Variants in KIFC2 observed in about 807,000 individuals in gnomAD.
KIFC2 encodes kinesin family member C2.
Under a neutral mutation model 91.5 loss-of-function variants are expected in KIFC2, and 94 were observed. That is an observed-to-expected ratio of 1.03 (90% confidence interval 0.87 to 1.22). KIFC2 has a LOEUF of 1.22. Among genes scored for constraint, KIFC2 ranks in the 50% most tolerant of loss-of-function variants. The pLI, the probability that KIFC2 is intolerant of heterozygous loss-of-function variation, is 0.00. For synonymous variants in KIFC2, 729 were observed against 503.9 expected (o/e 1.45, Z -5.98); for missense variants, 1,357 against 1,103.3 (o/e 1.23, Z -3.26).
intron 3 of KIFC2, 44 bp downstream of exon 3, chr8:144,467,154 G>C (rs764634020): frequency 6.2e-7 from 1 of 1,612,518 alleles, no homozygotes; most frequent in South Asian, 1.1e-5. Flanking sequence ...CACCTGCCCC[G>C]GCCTTCCTGG....
Position 144,469,255 on chromosome 8 carries a change from A to C in KIFC2, c.1114-16A>C. The C allele has an allele frequency of 1.3e-6, 2 of 1,573,014 alleles. No homozygotes were observed. The highest frequency in any genetic ancestry group is 1.7e-6 in the Non-Finnish European group (2 of 1,160,004). The stretch of plus-strand genomic sequence containing the variant: ...TTGGCTGACCCCTTGCCTTCTGTAC[A>C]TCCCTGTTCCCTCAGGTGTCCTGGG... On this transcript the variant is annotated splice_polypyrimidine_tract_variant and intron_variant, in intron 10 of 17. Transcript: ENST00000645548.
Position 144,469,798 on chromosome 8 carries a change from G to T in KIFC2, c.1380+151G>T, listed in dbSNP as rs1054754387. On this transcript the variant is annotated intron_variant, in intron 12 of 17. Transcript: ENST00000645548. ...CCAGGAAGGAAAGGGAACCGAGGGG[G>T]CTGGGAAGCAGGGCAGGCAGCCCAG... The T allele has an allele frequency of 2.4e-5, 25 of 1,021,894 alleles. No homozygotes were observed. The Admixed American group carries it at 7.4e-4, about 30-fold the overall frequency. The allele number at this position is 1,021,894 out of a possible 1,614,324, so 63.3% of individuals were successfully genotyped here.
intron 10 of KIFC2, 89 bp downstream of exon 10, chr8:144,468,923 CTAA>C: frequency 9.1e-7 from 1 of 1,095,600 alleles, no homozygotes; most frequent in Non-Finnish European, 1.4e-6. Context: ...GTTGGCTGTA[CTAA>C]TAAGTGGGGC....
At chr8:144,467,448 G>A (rs371452547) in intron 4 of KIFC2, 37 bp from the exon 5 acceptor site, 5 of 1,541,386 alleles carry the variant, frequency 3.2e-6, no homozygotes, top group Non-Finnish European at 4.4e-6. Flanking sequence ...TTGGACTAGA[G>A]ACCTCTTCAG....
upstream of KIFC2, chr8:144,466,237 G>A (rs1000393001): frequency 1.1e-4 from 21 of 193,600 alleles, no homozygotes; most frequent in Non-Finnish European, 2.0e-4. Flanking sequence ...GGGTCTCCAG[G>A]TGCGGCCGCG....
chr8:144,467,506 G>A lies in KIFC2; in HGVS notation c.491G>A (p.Ser164Asn), dbSNP rs558766474. ...CCAGGATCCACATCCCAAGAAGAAA[G>A]CCCTTCCCACTTCACCGCAGTCCCA... ...SPDGSTSQEE[S>N]PSHFTAVPGE... The change falls in exon 5 of 18, where the codon AGC becomes AAC. Residue 164 changes from serine (S) to asparagine (N), a missense_variant. Physicochemically the swap from Ser to Asn is conservative, Grantham distance 46. Transcript: ENST00000645548. The A allele has an allele frequency of 6.3e-6, 10 of 1,583,008 alleles. No individual in the cohort carries two copies. The highest frequency in any genetic ancestry group is 1.8e-5 in the Admixed American group (1 of 54,142).
chr8:144,470,984 G>T (rs1397733389), intron 12 of KIFC2, among the ~76,000 whole-genome samples: 1 of 151,196 alleles, frequency 6.6e-6, no homozygotes, highest in Non-Finnish European at 1.5e-5. Context: ...TTATTTTTGA[G>T]ATGGAATCCC....
At chr8:144,471,805 C>T (rs1277615434) in intron 12 of KIFC2, 137 bp from the exon 13 acceptor site, 12 of 719,858 alleles carry the variant, frequency 1.7e-5, no homozygotes, top group African/African-American at 3.5e-5. Flanking sequence ...CACCCTCCCC[C>T]ATGGTCCCTT....
rs1824642773 is a variant in KIFC2, at chr8:144,466,504, G to A, written c.85G>A (p.Gly29Arg). Residue 29 changes from glycine (G) to arginine (R), a missense_variant, in exon 1 of 18, where the codon GGG becomes AGG. Physicochemically the swap from Gly to Arg is moderately radical, Grantham distance 125. Coordinates refer to ENST00000645548, the MANE Select transcript of KIFC2 (RefSeq NM_001369769.2). Reference sequence around the variant, plus strand: ...TGGCGCCGCGGCGGCCGCGGAGCCCGGGGACCCCGCCCAGGTGAGCGGGGC... The same window carrying A: ...TGGCGCCGCGGCGGCCGCGGAGCCCAGGGACCCCGCCCAGGTGAGCGGGGC... ...DGGAAAAAEP[G>R]DPAQRARKPR... is the part of the protein sequence containing the mutation. 1.5e-6 allele frequency: 2 copies of A among 1,298,612 alleles called. No individual in the cohort carries two copies. The highest frequency in any genetic ancestry group is 3.1e-5 in the African/African-American group (2 of 63,844). The allele number at this position is 1,298,612 out of a possible 1,614,324, so 80.4% of individuals were successfully genotyped here. A position where few individuals can be genotyped will look rare whatever the true frequency, so the allele number is the denominator to read the frequency against.
chr8:144,470,832 A>G (rs1232800755), intron 12 of KIFC2, among the ~76,000 whole-genome samples: 1 of 152,236 alleles, frequency 6.6e-6, no homozygotes, highest in South Asian at 2.1e-4. Flanking sequence ...GTGCACTGCC[A>G]CAAGTGTTCA....
chr8:144,472,376 A>G lies in KIFC2; in HGVS notation c.1623A>G (p.Pro541=). 2 of 1,613,324 alleles carry G rather than the reference A, an allele frequency of 1.2e-6. No homozygotes were observed. Among genetic ancestry groups the G allele is most frequent in the Non-Finnish European group, 1.7e-6 (2 of 1,179,934 alleles). The change falls in exon 15 of 18, where the codon CCA becomes CCG. Residue 541 remains proline (P), a synonymous_variant. Coordinates refer to ENST00000645548, the MANE Select transcript of KIFC2 (RefSeq NM_001369769.2). The stretch of plus-strand genomic sequence containing the variant: ...TTCTCACCAGGGACCTCCTTGCTCC[A>G]GGGCCTCCCGAGCGCCTGGCCGTGA... ...YNEAVRDLLA[P]GPPERLAVRQ... is the part of the protein sequence containing the mutation.
chr8:144,467,524 C>T lies in KIFC2; in HGVS notation c.509C>T (p.Ala170Val). The change falls in exon 5 of 18, where the codon GCA (alanine) becomes GTA (valine). Residue 170 changes from alanine to valine, a missense_variant. By Grantham distance (64) the Ala-to-Val change is moderately conservative (BLOSUM62 0). Transcript: ENST00000645548. ...GAAGAAAGCCCTTCCCACTTCACCG[C>T]AGTCCCAGGCGAGCCACTGGGGGAT... ...SQEESPSHFT[A>V]VPGEPLGDET... 4 of 1,596,992 alleles carry T rather than the reference C, an allele frequency of 2.5e-6. No individual in the cohort carries two copies. The highest frequency in any genetic ancestry group is 1.1e-5 in the South Asian group (1 of 88,484).
At position 144,472,384 on chromosome 8, in the gene KIFC2, C is replaced by A; in HGVS notation, c.1631C>A (p.Pro544His). 1 of 1,613,316 alleles carries A rather than the reference C, an allele frequency of 6.2e-7. No individual in the cohort carries two copies. Among genetic ancestry groups the A allele is most frequent in the East Asian group, 2.2e-5 (1 of 44,874 alleles). The change falls in exon 15 of 18, where the codon CCC becomes CAC. Residue 544 changes from proline to histidine, a missense_variant. Coordinates refer to ENST00000645548, the MANE Select transcript of KIFC2 (RefSeq NM_001369769.2). ...AVRDLLAPGP[P>H]ERLAVRQGPE... ...AGGGACCTCCTTGCTCCAGGGCCTCCCGAGCGCCTGGCCGTGAGGCAGGGC... is the reference window on the plus strand; with the variant it reads ...AGGGACCTCCTTGCTCCAGGGCCTCACGAGCGCCTGGCCGTGAGGCAGGGC...
Position 144,468,715 on chromosome 8 carries a change from C to G in KIFC2, c.1004-10C>G. ...CTGGGCCTTCCCTTCCAACAGACTT[C>G]CCTCTCCAGGACTTCGGGCACGGAT... is the stretch of plus-strand genomic sequence containing the variant. On this transcript the variant is annotated splice_polypyrimidine_tract_variant and intron_variant, in intron 9 of 17. Coordinates refer to ENST00000645548, the MANE Select transcript of KIFC2 (RefSeq NM_001369769.2). 2 of 1,613,946 alleles carry G rather than the reference C, an allele frequency of 1.2e-6. No homozygotes were observed. Among genetic ancestry groups the G allele is most frequent in the South Asian group, 1.1e-5 (1 of 91,082 alleles).
chr8:144,467,065 G>C lies in KIFC2; in HGVS notation c.285G>C (p.Gln95His), dbSNP rs1025194769. 4 of 1,596,130 alleles carry C rather than the reference G, an allele frequency of 2.5e-6. No individual in the cohort carries two copies. The highest frequency in any genetic ancestry group is 2.7e-5 in the African/African-American group (2 of 74,630). The change falls in exon 3 of 18, where the codon CAG becomes CAC. Residue 95 changes from glutamine to histidine, a missense_variant. Coordinates refer to ENST00000645548, the MANE Select transcript of KIFC2 (RefSeq NM_001369769.2). ...GCCTCGCCGAGTTCCTCTCCGTCCAGCTGGGGGCGGAAGAGAGCTGCGGGG... is the reference window on the plus strand; with the variant it reads ...GCCTCGCCGAGTTCCTCTCCGTCCACCTGGGGGCGGAAGAGAGCTGCGGGG... ...LLRLAEFLSV[Q>H]LGAEESCGGP...
At chr8:144,471,857 C>T (rs551450842) in intron 12 of KIFC2, 85 bp from the exon 13 acceptor site, 4 of 1,226,558 alleles carry the variant, frequency 3.3e-6, no homozygotes, top group Non-Finnish European at 4.8e-6. Flanking sequence ...TCACACCTGC[C>T]TTCGTGGCAC....
chr8:144,466,403 TG>T lies in KIFC2; in HGVS notation c.-16del. On this transcript the variant is annotated 5_prime_UTR_variant, in exon 1 of 18. Coordinates refer to ENST00000645548, the MANE Select transcript of KIFC2 (RefSeq NM_001369769.2). Reference sequence around the variant, plus strand: ...CGGGGCGGCGCGAAGCGGGGCCCTCTGCCGCCCCGCGCTCCCATGTACGCCT... The same window carrying T: ...CGGGGCGGCGCGAAGCGGGGCCCTCTCCGCCCCGCGCTCCCATGTACGCCT... The T allele has an allele frequency of 8.4e-7, 1 of 1,194,788 alleles. No homozygotes were observed. The highest frequency in any genetic ancestry group is 2.1e-5 in the South Asian group (1 of 48,490). The allele number at this position is 1,194,788 out of a possible 1,614,324, so 74.0% of individuals were successfully genotyped here.
rs188491701 is a variant in KIFC2, at chr8:144,467,421, G to A, written c.470-64G>A. Reference sequence around the variant, plus strand: ...GAACCTGGGCGGCCTGGAGTTCGGGGTCATGTTCCGGAAGATTTGGACTAG... The same window carrying A: ...GAACCTGGGCGGCCTGGAGTTCGGGATCATGTTCCGGAAGATTTGGACTAG... On this transcript the variant is annotated intron_variant, in intron 4 of 17. Transcript: ENST00000645548. The A allele has an allele frequency of 1.2e-4, 182 of 1,542,860 alleles. No homozygotes were observed. The African/African-American group carries it at 2.1e-3, about 18-fold the overall frequency.
rs1181972582 is a variant in KIFC2, at chr8:144,467,480, T to C, written c.470-5T>C. 11 of 1,557,822 alleles carry C rather than the reference T, an allele frequency of 7.1e-6. No homozygotes were observed. The highest frequency in any genetic ancestry group is 8.7e-6 in the Non-Finnish European group (10 of 1,155,058). ...TCAGTGCTAACTGGGCCCACCCTAC[T>C]CCAGGATCCACATCCCAAGAAGAAA... On this transcript the variant is annotated splice_polypyrimidine_tract_variant and splice_region_variant and intron_variant, in intron 4 of 17. Coordinates refer to ENST00000645548, the MANE Select transcript of KIFC2 (RefSeq NM_001369769.2).
Sources: allele counts gnomAD v4.1 joint callset (sites outside exome capture counted in the v4.1 genomes callset), GRCh38; gene constraint gnomAD v4.1.1; transcripts MANE v1.5; gene names NCBI Gene and HGNC (gene_info 2026-07-23, HGNC 2026-07-21).